The following TGM4 variants were observed in gnomAD, a reference collection of about 807,000 sequenced individuals.
TGM4 encodes the protein protein-glutamine gamma-glutamyltransferase 4.
TGM4 carries 61 observed loss-of-function variants against 76.3 expected under a neutral mutation model. That is an observed-to-expected ratio of 0.80 (90% confidence interval 0.65 to 0.99). The LOEUF is 0.99. Among genes scored for constraint, TGM4 ranks in the 50% least tolerant of loss-of-function variants. The pLI is 0.00. For missense variants in TGM4, 794 were observed against 843.2 expected (o/e 0.94, Z 0.72); for synonymous variants, 337 against 329.8 (o/e 1.02, Z -0.24).
Position 44,910,118 on chromosome 3 carries a change from T to C in TGM4, c.1356T>C (p.Asp452=), listed in dbSNP as rs1306474514. The C allele has an allele frequency of 6.2e-7, 1 of 1,614,154 alleles. No individual in the cohort carries two copies. The highest frequency in any genetic ancestry group is 8.5e-7 in the Non-Finnish European group (1 of 1,180,028). Residue 452 remains aspartate (D), a synonymous_variant, in exon 11 of 14, where the codon GAT becomes GAC. Transcript: ENST00000296125. ...EGSSEERQVM[D]HAFLLLSSER... ...CCTCTGAGGAGAGGCAGGTCATGGA[T>C]CATGCCTTCCTCCTTCTCAGTTCTG...
At chr3:44,905,227 C>A (rs545406714) in intron 9 of TGM4, among the ~76,000 whole-genome samples, 1 of 152,104 alleles carries the variant, frequency 6.6e-6, no homozygotes, top group South Asian at 2.1e-4. Context: ...CTCAGGTGAT[C>A]TGCTTGTCTC....
chr3:44,905,673 C>A (rs1369266575), intron 9 of TGM4, among the ~76,000 whole-genome samples: 4 of 152,252 alleles, frequency 2.6e-5, no homozygotes, highest in East Asian at 3.8e-4. Flanking sequence ...ATTCCTCCAG[C>A]TGCAATGTGA....
chr3:44,889,709 C>T (rs1165245107), intron 3 of TGM4, among the ~76,000 whole-genome samples: 2 of 152,196 alleles, frequency 1.3e-5, no homozygotes, highest in African/African-American at 2.4e-5. Flanking sequence ...TATTATTTAT[C>T]CTAAAAGGCT....
chr3:44,886,545 C>T (rs75670770), intron 2 of TGM4, among the ~76,000 whole-genome samples: 156 of 152,288 alleles, frequency 1.0e-3, no homozygotes, highest in Non-Finnish European at 1.7e-3. Context: ...CATGAGCTAC[C>T]TGCTCAACGC....
Position 44,914,257 on chromosome 3 carries a change from C to T in TGM4, c.*532C>T, listed in dbSNP as rs940497713. ...TCCCTGAAATCCAGGAAGTCCCTCT[C>T]CTGGTGCTCCAAGCAGTTTGAAGCC... On this transcript the variant is annotated 3_prime_UTR_variant, in exon 14 of 14. Transcript: ENST00000296125. 1 of 153,948 alleles carries T rather than the reference C, an allele frequency of 6.5e-6. No individual in the cohort carries two copies. Among genetic ancestry groups the T allele is most frequent in the Non-Finnish European group, 1.4e-5 (1 of 69,240 alleles). The allele number at this position is 153,948 out of a possible 1,614,324, so 9.5% of individuals were successfully genotyped here. A position where few individuals can be genotyped will look rare whatever the true frequency, so the allele number is the denominator to read the frequency against.
At chr3:44,909,977 G>A (rs1699977436) in intron 10 of TGM4, 113 bp from the exon 11 acceptor site, 2 of 1,160,272 alleles carry the variant, frequency 1.7e-6, no homozygotes, top group African/African-American at 3.1e-5. Flanking sequence ...TGGGCTCCAG[G>A]GATGTCTCTG....
chr3:44,897,853 T>A (rs563831961), intron 6 of TGM4, among the ~76,000 whole-genome samples: 2 of 152,330 alleles, frequency 1.3e-5, no homozygotes, highest in African/African-American at 4.8e-5. Flanking sequence ...AAGAGTGGCA[T>A]TGTTTTCCAT....
chr3:44,891,139 C>T (rs999942162), intron 4 of TGM4, among the ~76,000 whole-genome samples: 1 of 152,194 alleles, frequency 6.6e-6, no homozygotes, highest in Non-Finnish European at 1.5e-5. Context: ...ATGTACCCAC[C>T]TCATTTCTTC....
intron 13 of TGM4, among the ~76,000 whole-genome samples, chr3:44,912,772 ATTG>A (rs769678470): frequency 6.6e-6 from 1 of 152,118 alleles, no homozygotes; most frequent in Non-Finnish European, 1.5e-5. Context: ...GAAAAGCTAT[ATTG>A]TTTTCTTTAT....
At chr3:44,887,616 G>A in intron 2 of TGM4, 73 bp from the exon 3 acceptor site, 1 of 1,407,278 alleles carries the variant, frequency 7.1e-7, no homozygotes, top group Admixed American at 1.9e-5. Flanking sequence ...GGCAGTAGGT[G>A]GGCCCGAACC....
rs148493211 is a variant in TGM4 at position 44,901,637 on chromosome 3, C to T, written c.771C>T (p.Tyr257=). The change falls in exon 7 of 14, where the codon TAC becomes TAT. Residue 257 remains tyrosine, a synonymous_variant. Coordinates refer to ENST00000296125, the MANE Select transcript of TGM4 (RefSeq NM_003241.4). ...GTGCCCCGATCCTGCAGCAGTACTA[C>T]AACACGAAGCAGGCTGTGTGCTTTG... is the stretch of plus-strand genomic sequence containing the variant. The part of the protein sequence containing the change: ...TGSAPILQQY[Y]NTKQAVCFGQ... The T allele has an allele frequency of 1.2e-4, 194 of 1,614,214 alleles. No individual in the cohort carries two copies. The African/African-American group carries it at 1.4e-3, about 12-fold the overall frequency.
intron 6 of TGM4, among the ~76,000 whole-genome samples, chr3:44,897,399 T>C (rs1282104691): frequency 6.6e-6 from 1 of 152,202 alleles, no homozygotes; most frequent in East Asian, 1.9e-4. Flanking sequence ...GTTTCCCCCA[T>C]CTGCAAAATG....
rs553179740 is a variant in TGM4 at position 44,884,645 on chromosome 3, C to T, written c.20-680C>T. ...CCACTGCACCTGGCCTTAAAAATCC[C>T]ATTTATAATGCAAGTAGTCTTGGCC... is the stretch of plus-strand genomic sequence containing the variant. On this transcript the variant is annotated intron_variant, in intron 1 of 13. Coordinates refer to ENST00000296125, the MANE Select transcript of TGM4 (RefSeq NM_003241.4). 5.3e-5 allele frequency among the ~76,000 whole-genome samples: 8 copies of T among 152,238 alleles called. No individual in the cohort carries two copies. The South Asian group carries it at 1.7e-3, about 32-fold the overall frequency.
chr3:44,874,899 G>T (rs1414189533), intron 1 of TGM4, among the ~76,000 whole-genome samples: 1 of 152,204 alleles, frequency 6.6e-6, no homozygotes, highest in Non-Finnish European at 1.5e-5. Context: ...TTTACAAAAA[G>T]ATTGCAAGAA....
intron 8 of TGM4, among the ~76,000 whole-genome samples, chr3:44,903,306 C>T (rs959957676): frequency 1.3e-5 from 2 of 152,072 alleles, no homozygotes; most frequent in African/African-American, 4.8e-5. Context: ...TAATTGTCTA[C>T]CTAGAAAACC....
At chr3:44,880,954 G>A (rs185609675) in intron 1 of TGM4, among the ~76,000 whole-genome samples, 3 of 152,190 alleles carry the variant, frequency 2.0e-5, no homozygotes, top group African/African-American at 4.8e-5. Context: ...GTGGTGGCTC[G>A]TGTCTGTAAT....
intron 13 of TGM4, among the ~76,000 whole-genome samples, chr3:44,913,141 CTG>C (rs1301104939): frequency 6.6e-6 from 1 of 152,202 alleles, no homozygotes; most frequent in Non-Finnish European, 1.5e-5. Context: ...GCCTCAGATT[CTG>C]TGTTTCCTAC....
At chr3:44,892,671 G>A (rs750672254) in intron 4 of TGM4, among the ~76,000 whole-genome samples, 7 of 152,010 alleles carry the variant, frequency 4.6e-5, no homozygotes, top group East Asian at 1.9e-4. Flanking sequence ...GCACCCAGCC[G>A]GTCACTTGAT....
intron 4 of TGM4, among the ~76,000 whole-genome samples, chr3:44,892,936 CCTT>C (rs1247689455): frequency 6.6e-6 from 1 of 152,140 alleles, no homozygotes; most frequent in African/African-American, 2.4e-5. Flanking sequence ...AACGACATGT[CCTT>C]CTTGGAAAAT....
Sources: gnomAD v4.1 joint callset for allele counts (sites outside exome capture counted in the v4.1 genomes callset) on GRCh38, gnomAD v4.1.1 for gene constraint, MANE v1.5 for transcripts, NCBI Gene and HGNC (gene_info 2026-07-23, HGNC 2026-07-21) for gene names.